Variants in DUSP13A observed in about 807,000 individuals in gnomAD.
DUSP13A encodes the protein dual specificity protein phosphatase 13A.
the DUSP13A span, chr10:75,108,032 AGAG>A: frequency 7.4e-6 from 12 of 1,613,636 alleles, no homozygotes; most frequent in Admixed American, 6.7e-5. Flanking sequence ...AGTCAGCCGC[AGAG>A]GAGAAGTAGG....
the DUSP13A span, chr10:75,108,359 G>T: frequency 1.5e-6 from 2 of 1,370,232 alleles, no homozygotes; most frequent in Non-Finnish European, 1.9e-6. Context: ...TGACTCCACA[G>T]CCCTATACCC....
chr10:75,107,203 C>T, the DUSP13A span, among the ~76,000 whole-genome samples: 1 of 151,996 alleles, frequency 6.6e-6, no homozygotes, highest in Non-Finnish European at 1.5e-5. Flanking sequence ...GGTATGGTGG[C>T]GGATGCCTGT....
chr10:75,105,718 T>G, the DUSP13A span: 2 of 1,553,792 alleles, frequency 1.3e-6, no homozygotes, highest in Non-Finnish European at 1.7e-6. Flanking sequence ...GCAGAGCTGG[T>G]GCAGGAAGCC....
chr10:75,106,096 C>CTTTTTTTTTTTTT, the DUSP13A span, among the ~76,000 whole-genome samples: 1 of 109,022 alleles, frequency 9.2e-6, no homozygotes, highest in African/African-American at 3.9e-5. Context: ...TCTTTTCTTT[C>CTTTTTTTTTTTTT]TTTTCTTTTT....
At chr10:75,107,976 G>T in the DUSP13A span, 1 of 1,603,036 alleles carries the variant, frequency 6.2e-7, no homozygotes, top group East Asian at 2.3e-5. Flanking sequence ...ATATGGGCTT[G>T]GACCCCAAGT....
At chr10:75,108,952 C>G in the DUSP13A span, 1 of 1,543,690 alleles carries the variant, frequency 6.5e-7, no homozygotes, top group South Asian at 1.2e-5. Context: ...GGTAAAGCGA[C>G]CAAGAACTGC....
the DUSP13A span, chr10:75,105,964 G>C: frequency 3.4e-6 from 4 of 1,166,518 alleles, no homozygotes; most frequent in East Asian, 1.0e-4. Context: ...CCCTGCCTTG[G>C]GTGCACTCTG....
At chr10:75,105,733 T>G in the DUSP13A span, 1 of 1,554,618 alleles carries the variant, frequency 6.4e-7, no homozygotes, top group Non-Finnish European at 8.7e-7. Context: ...GAAGCCTCGG[T>G]TGGGGAAGAC....
the DUSP13A span, among the ~76,000 whole-genome samples, chr10:75,107,303 C>T: frequency 4.6e-5 from 7 of 150,658 alleles, no homozygotes; most frequent in East Asian, 7.8e-4. Context: ...GCAGAGATCG[C>T]GCCACTGCAC....
the DUSP13A span, among the ~76,000 whole-genome samples, chr10:75,106,333 C>T: frequency 6.6e-6 from 1 of 151,952 alleles, no homozygotes; most frequent in Admixed American, 6.6e-5. Context: ...CATGGAGGAA[C>T]TTGCAGTTCC....
chr10:75,105,916 C>A, the DUSP13A span: 1 of 1,520,734 alleles, frequency 6.6e-7, no homozygotes, highest in Non-Finnish European at 8.9e-7. Flanking sequence ...CACCGGCCCA[C>A]CCACGGGCTG....
chr10:75,109,003 A>G, the DUSP13A span: 1 of 1,595,466 alleles, frequency 6.3e-7, no homozygotes, highest in Non-Finnish European at 8.6e-7. Context: ...GCCAGCTACC[A>G]CTCACGCATC....
At chr10:75,108,475 G>A in the DUSP13A span, among the ~76,000 whole-genome samples, 263 of 152,298 alleles carry the variant, frequency 1.7e-3, 3 homozygotes, top group East Asian at 0.023. Context: ...GCCAGGACAG[G>A]AAGGAAGGGA....
chr10:75,105,900 C>T, the DUSP13A span: 4 of 1,536,500 alleles, frequency 2.6e-6, no homozygotes, highest in Non-Finnish European at 3.5e-6. Flanking sequence ...AAAACCCTGT[C>T]CCACACACCG....
chr10:75,105,697 T>C, the DUSP13A span: 1 of 1,550,740 alleles, frequency 6.4e-7, no homozygotes, highest in Non-Finnish European at 8.7e-7. Context: ...CCGCAGTTGC[T>C]GGTCCAGCCT....
At chr10:75,108,802 C>A in the DUSP13A span, among the ~76,000 whole-genome samples, 1 of 152,200 alleles carries the variant, frequency 6.6e-6, no homozygotes, top group African/African-American at 2.4e-5. Context: ...TGCTTTCAGG[C>A]AGGCGAAGTC....
the DUSP13A span, chr10:75,109,130 C>G: frequency 6.2e-6 from 10 of 1,606,168 alleles, no homozygotes; most frequent in South Asian, 4.4e-5. Flanking sequence ...TCCTCTCCCC[C>G]CAGCTCTGGG....
At chr10:75,107,332 G>A in the DUSP13A span, among the ~76,000 whole-genome samples, 3 of 150,052 alleles carry the variant, frequency 2.0e-5, no homozygotes, top group African/African-American at 7.4e-5. Flanking sequence ...GGGTAGCACT[G>A]AGACTCTGTC....
chr10:75,105,795 G>A, the DUSP13A span: 37 of 1,550,964 alleles, frequency 2.4e-5, no homozygotes, highest in Non-Finnish European at 3.2e-5. Flanking sequence ...ACAGCCGCTG[G>A]TGCAGCATGA....
Sources: allele counts gnomAD v4.1 joint callset (sites outside exome capture counted in the v4.1 genomes callset), GRCh38; gene constraint gnomAD v4.1.1; transcripts MANE v1.5; gene names NCBI Gene and HGNC (gene_info 2026-07-23, HGNC 2026-07-21).